Variants in AUTS2 observed in about 807,000 individuals in gnomAD.
AUTS2 encodes autism susceptibility gene 2 protein.
Under a neutral mutation model 112.4 loss-of-function variants are expected in AUTS2, and 17 were observed. The ratio of observed to expected loss-of-function variants is 0.15; its 90% CI spans 0.10 to 0.23. The LOEUF (loss-of-function observed/expected upper bound fraction) is 0.23. AUTS2 is among the 10% of genes least tolerant of loss of function. AUTS2 has a pLI of 1.00. For synonymous variants in AUTS2, 751 were observed against 702.7 expected (o/e 1.07, Z -1.09); for missense variants, 1,510 against 1,701.6 (o/e 0.89, Z 1.98).
intron 2 of AUTS2, among the ~76,000 whole-genome samples, chr7:69,914,364 C>CACAG (rs1795483614): frequency 6.9e-6 from 1 of 145,764 alleles, no homozygotes; most frequent in Admixed American, 6.8e-5. Flanking sequence ...CAGACACACA[C>CACAG]ACACACACAC....
At chr7:69,914,699 C>T (rs775499396) in intron 2 of AUTS2, among the ~76,000 whole-genome samples, 42 of 151,398 alleles carry the variant, frequency 2.8e-4, no homozygotes, top group Middle Eastern at 3.4e-3. Flanking sequence ...AGCAGAAAGA[C>T]GGAGAGGAAA....
In AUTS2 at chr7:69,899,410, C is replaced by A; in HGVS notation, c.434C>A (p.Pro145Gln). The stretch of plus-strand genomic sequence containing the variant: ...TCAAAGAAGAGCAGACTCAGCCACC[C>A]ACACCACTACAGCTCAGATCGAGAA... ...FHSKKSRLSHPHHYSSDREND... is the reference protein window; with the variant it reads ...FHSKKSRLSHQHHYSSDREND... Residue 145 changes from proline (P) to glutamine (Q), a missense_variant, in exon 2 of 19, where the codon CCA (proline) becomes CAA (glutamine). Pro to Gln is a moderately conservative substitution (Grantham distance 76). Transcript: ENST00000342771. 6.2e-7 allele frequency: 1 copy of A among 1,614,004 alleles called. No homozygotes were observed.
chr7:70,164,675 A>G (rs1307755735), intron 4 of AUTS2, among the ~76,000 whole-genome samples: 12 of 152,316 alleles, frequency 7.9e-5, no homozygotes, highest in African/African-American at 2.9e-4. Context: ...TAGTTATAGC[A>G]ACAGTAAAAT....
intron 5 of AUTS2, among the ~76,000 whole-genome samples, chr7:70,604,645 C>T (rs568248232): frequency 8.2e-4 from 125 of 152,362 alleles, no homozygotes; most frequent in Middle Eastern, 3.4e-3. Context: ...TAGAGAGCAT[C>T]TAGCCCACTC....
chr7:70,700,702 G>T (rs558645212), intron 6 of AUTS2, among the ~76,000 whole-genome samples: 2 of 152,220 alleles, frequency 1.3e-5, no homozygotes, highest in Non-Finnish European at 2.9e-5. Flanking sequence ...GGGATTCATT[G>T]TGTAGCGATA....
In AUTS2 at chr7:70,791,671, A is replaced by ATACT. The variant is rs1295901201; in HGVS notation, c.*678_*681dup. ...GAGCCTTTTCAAATCCATTTACAGC[A>ATACT]TACTTAAGGTCATATTTTCCCTGAA... On this transcript the variant is annotated 3_prime_UTR_variant, in exon 19 of 19. Coordinates refer to ENST00000342771, the MANE Select transcript of AUTS2 (RefSeq NM_015570.4). The ATACT allele has an allele frequency of 1.3e-5, 2 of 152,580 alleles. No homozygotes were observed. The highest frequency in any genetic ancestry group is 2.4e-5 in the African/African-American group (1 of 41,438). The allele number at this position is 152,580 out of a possible 1,614,324, so 9.5% of individuals were successfully genotyped here. A position where few individuals can be genotyped will look rare whatever the true frequency, so the allele number is the denominator to read the frequency against.
At chr7:70,276,126 T>A (rs558974272) in intron 4 of AUTS2, among the ~76,000 whole-genome samples, 1 of 152,320 alleles carries the variant, frequency 6.6e-6, no homozygotes, top group African/African-American at 2.4e-5. Flanking sequence ...TATTTCAGTT[T>A]TCTTTTTTTC....
intron 4 of AUTS2, among the ~76,000 whole-genome samples, chr7:70,154,626 G>A (rs572351640): frequency 3.0e-4 from 46 of 152,192 alleles, no homozygotes; most frequent in African/African-American, 1.0e-3. Context: ...CTCAGTTTCT[G>A]GTCTACCTCC....
chr7:69,825,171 C>T (rs1177220779), intron 1 of AUTS2, among the ~76,000 whole-genome samples: 1 of 152,118 alleles, frequency 6.6e-6, no homozygotes, highest in Non-Finnish European at 1.5e-5. Context: ...TGTCCTTTAA[C>T]AATTTTAGAC....
intron 1 of AUTS2, among the ~76,000 whole-genome samples, chr7:69,864,122 T>G (rs887070531): frequency 1.7e-4 from 26 of 152,210 alleles, no homozygotes; most frequent in South Asian, 4.1e-4. Context: ...AACCAAGATT[T>G]AGAGCATGTC....
In AUTS2 at chr7:69,891,774, C is replaced by CTTTTT. The variant is rs763424098; in HGVS notation, c.310-7479_310-7475dup. On this transcript the variant is annotated intron_variant, in intron 1 of 18. Transcript: ENST00000342771. ...ATTCATTCACTTTCCAGACAGATAT[C>CTTTTT]TTTTTTTTTTTTTTTTTTTTTTTTT... Among the ~76,000 whole-genome samples the CTTTTT allele has an allele frequency of 9.4e-4, 25 of 26,736 alleles. 10 individuals carry two copies. Among genetic ancestry groups the CTTTTT allele is most frequent in the Non-Finnish European group, 1.9e-3 (24 of 12,792 alleles). The allele number at this position is 26,736 out of a possible 152,430, so 17.5% of individuals were successfully genotyped here. A position where few individuals can be genotyped will look rare whatever the true frequency, so the allele number is the denominator to read the frequency against.
chr7:70,669,443 G>A (rs911708666), intron 5 of AUTS2, among the ~76,000 whole-genome samples: 1 of 152,246 alleles, frequency 6.6e-6, no homozygotes, highest in African/African-American at 2.4e-5. Context: ...GAAAGTGCCT[G>A]TGCTCTGTGT....
chr7:70,385,204 C>G (rs917852284), intron 4 of AUTS2, among the ~76,000 whole-genome samples: 1 of 152,174 alleles, frequency 6.6e-6, no homozygotes, highest in Admixed American at 6.5e-5. Flanking sequence ...ACTGTTCTCC[C>G]TAAAGACAAG....
rs979187627 is a variant in AUTS2, at chr7:70,327,426, A to G, written c.661-108326A>G. Among the ~76,000 whole-genome samples the G allele has an allele frequency of 3.3e-5, 5 of 152,326 alleles. No homozygotes were observed. In the South Asian group the frequency reaches 6.2e-4, roughly 19 times the overall value. On this transcript the variant is annotated intron_variant, in intron 4 of 18. Coordinates refer to ENST00000342771, the MANE Select transcript of AUTS2 (RefSeq NM_015570.4). ...GTTTTGTGGGAGCTGGATAGAATGG[A>G]AAAAGAAATGAGGAATGTTCTTCAG...
At chr7:70,036,966 G>T (rs1016337184) in intron 2 of AUTS2, among the ~76,000 whole-genome samples, 7 of 152,158 alleles carry the variant, frequency 4.6e-5, no homozygotes, top group African/African-American at 1.7e-4. Context: ...TGTACCTTTG[G>T]AAGGTCATTT....
intron 1 of AUTS2, among the ~76,000 whole-genome samples, chr7:69,751,276 A>T (rs1188667809): frequency 6.6e-6 from 1 of 152,218 alleles, no homozygotes; most frequent in Non-Finnish European, 1.5e-5. Context: ...TTGCTTAGCC[A>T]CAACTAGCCT....
intron 5 of AUTS2, among the ~76,000 whole-genome samples, chr7:70,500,592 G>A (rs868231280): frequency 1.3e-5 from 2 of 152,328 alleles, no homozygotes; most frequent in South Asian, 2.1e-4. Context: ...TTTGGAAGCC[G>A]TGGGCCTTTC....
intron 5 of AUTS2, among the ~76,000 whole-genome samples, chr7:70,667,932 A>G (rs894240566): frequency 1.3e-5 from 2 of 152,172 alleles, no homozygotes; most frequent in Admixed American, 6.5e-5. Flanking sequence ...AGCATGCATC[A>G]CGATCACTGG....
At chr7:70,570,990 G>C (rs1054856307) in intron 5 of AUTS2, among the ~76,000 whole-genome samples, 2 of 152,128 alleles carry the variant, frequency 1.3e-5, no homozygotes, top group South Asian at 2.1e-4. Context: ...AGCTTCTTTG[G>C]CTGCCTTTGC....
Sources: allele counts gnomAD v4.1 joint callset (sites outside exome capture counted in the v4.1 genomes callset), GRCh38; gene constraint gnomAD v4.1.1; transcripts MANE v1.5; gene names NCBI Gene and HGNC (gene_info 2026-07-23, HGNC 2026-07-21).